Variants in PCDH15 observed in about 807,000 individuals in gnomAD.
The protein encoded by PCDH15 is protocadherin-15.
A neutral mutation model predicts 178.5 loss-of-function variants in PCDH15; 129 were observed. That is an observed-to-expected ratio of 0.72 (90% CI 0.63 to 0.84). PCDH15 has a LOEUF of 0.84. PCDH15 is among the 40% of genes least tolerant of loss of function. The probability of loss-of-function intolerance (pLI) is 0.00; values close to 1 mark genes in which losing one functional copy is unlikely to be tolerated. For missense variants in PCDH15, 2,230 were observed against 2,099.9 expected, an observed-to-expected ratio of 1.06 and a Z score of -1.21; for synonymous variants, 800 against 732.0, an observed-to-expected ratio of 1.09 and a Z score of -1.50.
intron 1 of PCDH15, among the ~76,000 whole-genome samples, chr10:54,729,615 G>A (rs1215859698): frequency 6.6e-6 from 1 of 151,340 alleles, no homozygotes; most frequent in Admixed American, 6.6e-5. Context: ...TGTAAATAGA[G>A]AACCTACAAA....
At chr10:54,499,100 G>T (rs1047022634) in intron 3 of PCDH15, among the ~76,000 whole-genome samples, 1 of 152,100 alleles carries the variant, frequency 6.6e-6, no homozygotes, top group Non-Finnish European at 1.5e-5. Context: ...TTTGGGTGGG[G>T]ACAAGAATCC....
intron 2 of PCDH15, among the ~76,000 whole-genome samples, chr10:55,550,218 T>G (rs540038544): frequency 6.6e-6 from 1 of 152,230 alleles, no homozygotes; most frequent in South Asian, 2.1e-4. Context: ...CTAATCAAAG[T>G]TTTATATTTC....
chr10:53,995,489 C>A (rs2091786411), intron 21 of PCDH15, 160 bp downstream of exon 21: 1 of 1,324,496 alleles, frequency 7.6e-7, no homozygotes, highest in East Asian at 2.5e-5. Context: ...GAAATATGCT[C>A]TGTACCTGTG....
intron 2 of PCDH15, among the ~76,000 whole-genome samples, chr10:55,418,516 A>G (rs1187447463): frequency 6.6e-6 from 1 of 151,788 alleles, no homozygotes; most frequent in Non-Finnish European, 1.5e-5. Flanking sequence ...GTAAAAGAAA[A>G]CAGCGAGTGT....
chr10:55,554,565 C>A lies in PCDH15; in HGVS notation c.-156+73060G>T, dbSNP rs1473520487. ...CACTCCTATGAAGACATTTTTTAAT[C>A]AAACACGGATCGAAAATACAGCTTT... On this transcript the variant is annotated intron_variant, in intron 2 of 5. Transcript: ENST00000613346. 4.6e-5 allele frequency among the ~76,000 whole-genome samples: 7 copies of A among 151,924 alleles called. No homozygotes were observed. In the East Asian group the frequency reaches 1.4e-3, roughly 29 times the overall value.
chr10:54,869,699 C>T (rs1403714864), intron 3 of PCDH15, among the ~76,000 whole-genome samples: 1 of 152,090 alleles, frequency 6.6e-6, no homozygotes, highest in Admixed American at 6.6e-5. Context: ...TGTCACAGTG[C>T]CTGGCATATT....
At chr10:53,986,042 T>C (rs1018274051) in intron 21 of PCDH15, among the ~76,000 whole-genome samples, 2 of 152,188 alleles carry the variant, frequency 1.3e-5, no homozygotes, top group Non-Finnish European at 2.9e-5. Context: ...AATTTTTAAG[T>C]GTATCACACA....
intron 1 of PCDH15, among the ~76,000 whole-genome samples, chr10:55,314,197 G>GTA (rs1025773854): frequency 5.0e-5 from 6 of 119,774 alleles, no homozygotes; most frequent in African/African-American, 2.4e-4. Context: ...ATATGTTTGT[G>GTA]TGTATATATA....
At chr10:54,392,627 G>A (rs997571679) in intron 3 of PCDH15, among the ~76,000 whole-genome samples, 3 of 151,698 alleles carry the variant, frequency 2.0e-5, no homozygotes, top group Non-Finnish European at 4.4e-5. Context: ...GGCCAGGCAC[G>A]CTGGCTCATG....
At chr10:54,764,832 G>A (rs1262849471) in intron 1 of PCDH15, among the ~76,000 whole-genome samples, 8 of 152,080 alleles carry the variant, frequency 5.3e-5, no homozygotes, top group Non-Finnish European at 1.0e-4. Flanking sequence ...AAATAAATGA[G>A]ATAAGAAGCA....
intron 2 of PCDH15, among the ~76,000 whole-genome samples, chr10:55,564,677 TGTA>T (rs1246542983): frequency 1.9e-4 from 29 of 151,614 alleles, no homozygotes; most frequent in African/African-American, 2.4e-5. Flanking sequence ...AGACGCTCCA[TGTA>T]AACAGTAACC....
At chr10:54,321,712 A>G (rs1031203856) in intron 7 of PCDH15, among the ~76,000 whole-genome samples, 1 of 151,692 alleles carries the variant, frequency 6.6e-6, no homozygotes, top group Non-Finnish European at 1.5e-5. Flanking sequence ...AAGATAGTGT[A>G]TTTACAGGAA....
intron 1 of PCDH15, among the ~76,000 whole-genome samples, chr10:55,241,551 C>T (rs1393805521): frequency 6.6e-6 from 1 of 152,072 alleles, no homozygotes; most frequent in Non-Finnish European, 1.5e-5. Flanking sequence ...TCCCGAGTAG[C>T]TGAGACCACA....
intron 21 of PCDH15, among the ~76,000 whole-genome samples, chr10:53,968,804 G>T (rs921427604): frequency 6.6e-6 from 1 of 152,124 alleles, no homozygotes; most frequent in South Asian, 2.1e-4. Flanking sequence ...CTGTTAGAAC[G>T]AAAACTAACA....
chr10:54,721,400 T>C (rs1023537710), intron 1 of PCDH15, among the ~76,000 whole-genome samples: 1 of 151,538 alleles, frequency 6.6e-6, no homozygotes, highest in African/African-American at 2.4e-5. Flanking sequence ...CTAAATGAGA[T>C]CAAGACCAAA....
intron 1 of PCDH15, among the ~76,000 whole-genome samples, chr10:55,214,652 GT>G (rs1302397590): frequency 1.7e-4 from 26 of 151,260 alleles, no homozygotes; most frequent in African/African-American, 6.1e-4. Context: ...GTTTTTATTT[GT>G]TTTTTAAGAG....
At chr10:53,945,837 GTATATATATATA>G (rs56389905) in intron 23 of PCDH15, among the ~76,000 whole-genome samples, 14,662 of 119,320 alleles carry the variant, frequency 0.12, 1,278 homozygotes, top group African/African-American at 0.23. Flanking sequence ...ATATTTCATT[GTATATATATATA>G]TATATATATA....
intron 2 of PCDH15, among the ~76,000 whole-genome samples, chr10:55,567,355 G>T (rs1033683955): frequency 6.6e-5 from 10 of 151,308 alleles, no homozygotes; most frequent in Middle Eastern, 3.4e-3. Context: ...TAATACTTCA[G>T]ATTTGGCAAT....
intron 2 of PCDH15, among the ~76,000 whole-genome samples, chr10:55,351,653 TTGTC>T (rs1439589167): frequency 1.3e-5 from 2 of 152,330 alleles, no homozygotes; most frequent in Middle Eastern, 3.4e-3. Context: ...GTTTATCTCT[TTGTC>T]TGAGAAACTC....
Sources: gnomAD v4.1 joint callset for allele counts (sites outside exome capture counted in the v4.1 genomes callset) on GRCh38, gnomAD v4.1.1 for gene constraint, MANE v1.5 for transcripts, NCBI Gene and HGNC (gene_info 2026-07-23, HGNC 2026-07-21) for gene names.